The following CHSY1 variants were observed in gnomAD, a reference collection of about 807,000 sequenced individuals.
CHSY1 encodes the protein chondroitin sulfate synthase 1, also known as N-acetylgalactosaminyl-proteoglycan 3-beta-glucuronosyltransferase 1.
CHSY1 carries 13 observed loss-of-function variants against 59.8 expected under a neutral mutation model. That is an observed-to-expected ratio of 0.22 (90% confidence interval 0.14 to 0.35). The LOEUF (loss-of-function observed/expected upper bound fraction) is 0.35, where lower values mean the gene tolerates loss of function less well. CHSY1 is among the 10% of genes least tolerant of loss of function. The pLI is 1.00. For missense variants in CHSY1, 947 were observed against 1,030.6 expected, an observed-to-expected ratio of 0.92 and a Z score of 1.11; for synonymous variants, 459 against 401.2, an observed-to-expected ratio of 1.14 and a Z score of -1.72.
intron 2 of CHSY1, chr15:101,189,349 G>A (rs909695754): frequency 2.8e-5 from 20 of 719,920 alleles, no homozygotes; most frequent in African/African-American, 5.9e-5. Flanking sequence ...ATGTCTCTAC[G>A]AGAACGTGAT....
rs1291930577 is a variant in CHSY1, at chr15:101,178,847, C to A, written c.950G>T (p.Ser317Ile). ...KNPPYQYRLH[S>I]YMLSRKISEL... ...GGATATCTTGCGGCTCAGCATGTAG[C>A]TGTGGAGCCTGTACTGGTAGGGTGG... is the stretch of plus-strand genomic sequence containing the variant. Residue 317 changes from serine (S) to isoleucine (I), a missense_variant, in exon 3 of 3, where the codon AGC becomes ATC. By Grantham distance (142) the Ser-to-Ile change is moderately radical (BLOSUM62 -2). This residue lies in a region of CHSY1 where 602 missense variants were observed against 676.9 expected (regional missense o/e 0.89). Transcript: ENST00000254190. 1 of 1,614,174 alleles carries A rather than the reference C, an allele frequency of 6.2e-7. No homozygotes were observed. The highest frequency in any genetic ancestry group is 8.5e-7 in the Non-Finnish European group (1 of 1,180,026).
intron 2 of CHSY1, among the ~76,000 whole-genome samples, chr15:101,199,451 C>T (rs1181034477): frequency 6.6e-6 from 1 of 152,138 alleles, no homozygotes; most frequent in Non-Finnish European, 1.5e-5. Context: ...TGCAGTGAGC[C>T]GAGATTGTGC....
Position 101,188,208 on chromosome 15 carries a change from C to T in CHSY1, c.817-9228G>A, listed in dbSNP as rs1168573828. ...GTTCATTACAGAGAAGTGGTTTTCT[C>T]ACCCTTTTGTCCTGAAAAGTGGTTC... On this transcript the variant is annotated intron_variant, in intron 2 of 2. Coordinates refer to ENST00000254190, the MANE Select transcript of CHSY1 (RefSeq NM_014918.5). 12 of 985,366 alleles carry T rather than the reference C, an allele frequency of 1.2e-5. No individual in the cohort carries two copies. The East Asian group carries it at 5.7e-4, about 47-fold the overall frequency. 61.0% of individuals were successfully genotyped at this position (985,366 alleles called of 1,614,324 possible).
chr15:101,251,803 G>A lies in CHSY1; in HGVS notation c.-347C>T, dbSNP rs1462591991. 1 of 149,978 alleles carries A rather than the reference G, an allele frequency of 6.7e-6. No homozygotes were observed. Among genetic ancestry groups the A allele is most frequent in the Non-Finnish European group, 1.5e-5 (1 of 67,400 alleles). 9.3% of individuals were successfully genotyped at this position (149,978 alleles called of 1,614,324 possible). A position where few individuals can be genotyped will look rare whatever the true frequency, so the allele number is the denominator to read the frequency against. Reference sequence around the variant, plus strand: ...GACGGCGACGACGGCGGCGGCAGACGAGTCCGGGCTCCCGTCCCGCCCTGC... The same window carrying A: ...GACGGCGACGACGGCGGCGGCAGACAAGTCCGGGCTCCCGTCCCGCCCTGC... On this transcript the variant is annotated 5_prime_UTR_variant, in exon 1 of 3. Coordinates refer to ENST00000254190, the MANE Select transcript of CHSY1 (RefSeq NM_014918.5).
chr15:101,189,547 C>A, intron 2 of CHSY1: 1 of 846,858 alleles, frequency 1.2e-6, no homozygotes, highest in Non-Finnish European at 1.4e-6. Context: ...TGTGTCAAGT[C>A]TAACTGAAGT....
At chr15:101,189,599 G>C (rs2038417919) in intron 2 of CHSY1, 2 of 330,762 alleles carry the variant, frequency 6.0e-6, no homozygotes, top group East Asian at 1.7e-4. Flanking sequence ...GAAAGGGACA[G>C]AGAAAAGGAA....
At chr15:101,179,040 T>C (rs1483669331) in intron 2 of CHSY1, 60 bp from the exon 3 acceptor site, 53 of 1,527,764 alleles carry the variant, frequency 3.5e-5, no homozygotes, top group Non-Finnish European at 4.5e-5. Context: ...TGCCAGCACA[T>C]GCTAAAGAAA....
In CHSY1 at chr15:101,192,581, A is replaced by G. The variant is rs538450074; in HGVS notation, c.817-13601T>C. On this transcript the variant is annotated intron_variant, in intron 2 of 2. Transcript: ENST00000254190. ...GGGGACTTTCAAATACAGAAGATCA[A>G]TATCTTCAGAAATACGAGAGGAAAA... 1.2e-4 allele frequency among the ~76,000 whole-genome samples: 18 copies of G among 152,162 alleles called. No homozygotes were observed. The East Asian group carries it at 3.1e-3, about 26-fold the overall frequency.
Position 101,178,884 on chromosome 15 carries a change from G to C in CHSY1, c.913C>G (p.Pro305Ala). Reference sequence around the variant, plus strand: ...TACTGGTAGGGTGGGTTTTTGTTGGGGTGTAATGTGATAGCTTGGTGAATT... The same window carrying C: ...TACTGGTAGGGTGGGTTTTTGTTGGCGTGTAATGTGATAGCTTGGTGAATT... ...SKIHQAITLH[P>A]NKNPPYQYRL... The change falls in exon 3 of 3, where the codon CCC becomes GCC. Residue 305 changes from proline (P) to alanine (A), a missense_variant. This residue lies in a region of CHSY1 where 602 missense variants were observed against 676.9 expected (regional missense o/e 0.89). Coordinates refer to ENST00000254190, the MANE Select transcript of CHSY1 (RefSeq NM_014918.5). 6.2e-7 allele frequency: 1 copy of C among 1,614,084 alleles called. No homozygotes were observed. Among genetic ancestry groups the C allele is most frequent in the Non-Finnish European group, 8.5e-7 (1 of 1,180,014 alleles).
intron 2 of CHSY1, among the ~76,000 whole-genome samples, chr15:101,193,287 G>A (rs1273468031): frequency 6.6e-6 from 1 of 152,232 alleles, no homozygotes; most frequent in African/African-American, 2.4e-5. Context: ...AGACAGCAGC[G>A]AGGGCAGGGC....
Position 101,178,932 on chromosome 15 carries a change from T to C in CHSY1, c.865A>G (p.Ile289Val), listed in dbSNP as rs750773422. 26 of 1,613,976 alleles carry C rather than the reference T, an allele frequency of 1.6e-5. No individual in the cohort carries two copies. The highest frequency in any genetic ancestry group is 2.0e-5 in the Non-Finnish European group (24 of 1,179,966). Reference sequence around the variant, plus strand: ...ATTTTACTGTTATGGAGATCTCTAATGTACCCCTTTTTGTTCTGCTCGTAA... The same window carrying C: ...ATTTTACTGTTATGGAGATCTCTAACGTACCCCTTTTTGTTCTGCTCGTAA... ...ENYEQNKKGY[I>V]RDLHNSKIHQ... Residue 289 changes from isoleucine (I) to valine (V), a missense_variant, in exon 3 of 3, where the codon ATT (isoleucine) becomes GTT (valine). Physicochemically the swap from Ile to Val is conservative, Grantham distance 29. Around this residue, in one of 4 missense-constraint regions of CHSY1, gnomAD observed 602 missense variants for 676.9 expected, o/e 0.89. Transcript: ENST00000254190.
At chr15:101,207,181 T>C (rs1394538417) in intron 2 of CHSY1, among the ~76,000 whole-genome samples, 1 of 152,182 alleles carries the variant, frequency 6.6e-6, no homozygotes, top group Non-Finnish European at 1.5e-5. Context: ...AACACAGCAT[T>C]TGCAGTCAAA....
intron 1 of CHSY1, among the ~76,000 whole-genome samples, chr15:101,250,783 G>A (rs1027805498): frequency 6.6e-6 from 1 of 152,214 alleles, no homozygotes; most frequent in African/African-American, 2.4e-5. Flanking sequence ...CCACTATCAG[G>A]TACTGTGCTA....
chr15:101,231,755 T>TA (rs1379331161), intron 2 of CHSY1, among the ~76,000 whole-genome samples: 3 of 152,382 alleles, frequency 2.0e-5, no homozygotes, highest in African/African-American at 7.2e-5. Flanking sequence ...ATGAATAGGT[T>TA]ACTTAAGTCA....
intron 2 of CHSY1, among the ~76,000 whole-genome samples, chr15:101,222,186 C>T (rs1024236599): frequency 6.6e-6 from 1 of 152,224 alleles, no homozygotes; most frequent in South Asian, 2.1e-4. Flanking sequence ...AGCTAAAAAT[C>T]ACATCCTGCA....
chr15:101,200,339 G>A lies in CHSY1; in HGVS notation c.817-21359C>T, dbSNP rs1278070962. On this transcript the variant is annotated intron_variant, in intron 2 of 2. Transcript: ENST00000254190. ...AGTCCTACTGCATTTCACATGACGG[G>A]TAAACACAACGCGAAGAAGACACGG... Among the ~76,000 whole-genome samples the A allele has an allele frequency of 2.6e-5, 4 of 152,260 alleles. No homozygotes were observed. The East Asian group carries it at 7.7e-4, about 29-fold the overall frequency.
In CHSY1 at chr15:101,176,237, A is replaced by G; in HGVS notation, c.*1151T>C. 2.5e-6 allele frequency: 1 copy of G among 398,580 alleles called. No homozygotes were observed. Among genetic ancestry groups the G allele is most frequent in the Admixed American group, 4.4e-5 (1 of 22,724 alleles). The allele number at this position is 398,580 out of a possible 1,614,324, so 24.7% of individuals were successfully genotyped here. ...CTGAACAACAGATATTAAATAAATT[A>G]AAGGTATTTCAGATACAAAGGATAA... On this transcript the variant is annotated 3_prime_UTR_variant, in exon 3 of 3. Coordinates refer to ENST00000254190, the MANE Select transcript of CHSY1 (RefSeq NM_014918.5).
intron 1 of CHSY1, among the ~76,000 whole-genome samples, chr15:101,236,529 CT>C (rs1334324923): frequency 7.2e-5 from 11 of 152,306 alleles, no homozygotes; most frequent in African/African-American, 2.6e-4. Flanking sequence ...TCCATTAAAC[CT>C]CTGTTTCTGG....
At chr15:101,202,925 G>A (rs1015580318) in intron 2 of CHSY1, among the ~76,000 whole-genome samples, 1 of 152,268 alleles carries the variant, frequency 6.6e-6, no homozygotes, top group Non-Finnish European at 1.5e-5. Flanking sequence ...TTTTATGCTG[G>A]ATGTAGACCT....
Sources: gnomAD v4.1 joint callset for allele counts (sites outside exome capture counted in the v4.1 genomes callset) on GRCh38, gnomAD v4.1.1 for gene constraint, gnomAD v4.1.1 regional missense constraint, MANE v1.5 for transcripts, NCBI Gene and HGNC (gene_info 2026-07-23, HGNC 2026-07-21) for gene names.